Variants in F5 observed in about 807,000 individuals in gnomAD.
The protein encoded by F5 is activated protein c cofactor.
Under a neutral mutation model 216.4 loss-of-function variants are expected in F5, and 138 were observed. That is an observed-to-expected ratio of 0.64 (90% CI 0.56 to 0.73). The LOEUF (loss-of-function observed/expected upper bound fraction) is 0.73, where lower values mean the gene tolerates loss of function less well. Among genes scored for constraint, F5 ranks in the 30% least tolerant of loss-of-function variants. The pLI, the probability that F5 is intolerant of heterozygous loss-of-function variation, is 0.00. For synonymous variants in F5, 916 were observed against 930.7 expected (o/e 0.98, Z 0.29); for missense variants, 2,403 against 2,674.0 (o/e 0.90, Z 2.24).
At chr1:169,567,197 A>G (rs1011460386) in intron 3 of F5, among the ~76,000 whole-genome samples, 1 of 151,810 alleles carries the variant, frequency 6.6e-6, no homozygotes, top group Non-Finnish European at 1.5e-5. Flanking sequence ...AAGGGCACTA[A>G]TCTCATCATG....
At position 169,542,037 on chromosome 1, in the gene F5, C is replaced by T; in HGVS notation, c.3053G>A (p.Ser1018Asn). 6.2e-7 allele frequency: 1 copy of T among 1,614,080 alleles called. No homozygotes were observed. Among genetic ancestry groups the T allele is most frequent in the Non-Finnish European group, 8.5e-7 (1 of 1,180,006 alleles). The stretch of plus-strand genomic sequence containing the variant: ...GAGAAACTGGCTTTTCTTCAGTCTA[C>T]TCTTTCCTCCATCCTGTCTTACTTG... ...SLQVRQDGGKSRLKKSQFLIK... is the reference protein window; with the variant it reads ...SLQVRQDGGKNRLKKSQFLIK... Residue 1018 changes from serine to asparagine, a missense_variant, in exon 13 of 25, where the codon AGT (serine) becomes AAT (asparagine). Ser to Asn is a conservative substitution (Grantham distance 46). Coordinates refer to ENST00000367797, the MANE Select transcript of F5 (RefSeq NM_000130.5).
chr1:169,586,192 T>A, intron 1 of F5, 37 bp downstream of exon 1: 2 of 1,612,512 alleles, frequency 1.2e-6, no homozygotes. Flanking sequence ...GATTTTCCTC[T>A]CTAGAGAAGC....
chr1:169,543,133 CAGA>C lies in F5; in HGVS notation c.1976-22_1976-20del. 2 of 1,608,090 alleles carry C rather than the reference CAGA, an allele frequency of 1.2e-6. No individual in the cohort carries two copies. The highest frequency in any genetic ancestry group is 1.7e-6 in the Non-Finnish European group (2 of 1,176,176). Reference sequence around the variant, plus strand: ...CAAGTTCCTACAGAAGAGAGACAGACAGAAGAGAGATCTGGAAGTCTGGGAAAA... The same window carrying C: ...CAAGTTCCTACAGAAGAGAGACAGACAGAGAGATCTGGAAGTCTGGGAAAA... On this transcript the variant is annotated intron_variant, in intron 12 of 24. Transcript: ENST00000367797.
At position 169,515,631 on chromosome 1, in the gene F5, G is replaced by A. The variant is rs1220384061; in HGVS notation, c.6346-5C>T. The A allele has an allele frequency of 4.2e-5, 68 of 1,611,764 alleles. No homozygotes were observed. Among genetic ancestry groups the A allele is most frequent in the Non-Finnish European group, 5.4e-5 (64 of 1,179,306 alleles). ...CCACTGCTTATTGTTGTTTGCCTAT[G>A]AAAATGACAAAAACACATAGATAAG... On this transcript the variant is annotated splice_region_variant and splice_polypyrimidine_tract_variant and intron_variant, in intron 23 of 24. Coordinates refer to ENST00000367797, the MANE Select transcript of F5 (RefSeq NM_000130.5).
chr1:169,515,876 G>A, intron 23 of F5: 1 of 489,204 alleles, frequency 2.0e-6, no homozygotes, highest in African/African-American at 1.9e-5. Context: ...CTGCTTAAGG[G>A]TAGAGGCTTA....
intron 10 of F5, among the ~76,000 whole-genome samples, chr1:169,548,748 AAT>A (rs1445267812): frequency 6.6e-6 from 1 of 152,004 alleles, no homozygotes; most frequent in Admixed American, 6.6e-5. Flanking sequence ...GGGCGCCTGT[AAT>A]CCCAGCTACT....
Position 169,541,229 on chromosome 1 carries a change from T to C in F5, c.3861A>G (p.Leu1287=). Residue 1287 remains leucine, a synonymous_variant, in exon 13 of 25, where the codon CTA becomes CTG. Coordinates refer to ENST00000367797, the MANE Select transcript of F5 (RefSeq NM_000130.5). Reference sequence around the variant, plus strand: ...GAGAGAGGTTTGTCTGGCTGAAGTCTAGAGAAAGGGTTGTATGGCTGAGGT... The same window carrying C: ...GAGAGAGGTTTGTCTGGCTGAAGTCCAGAGAAAGGGTTGTATGGCTGAGGT... ...SPDLSHTTLS[L]DFSQTNLSPE... 6.3e-7 allele frequency: 1 copy of C among 1,591,216 alleles called. No individual in the cohort carries two copies. The highest frequency in any genetic ancestry group is 8.6e-7 in the Non-Finnish European group (1 of 1,166,182).
At chr1:169,515,861 C>T in intron 23 of F5, 1 of 523,022 alleles carries the variant, frequency 1.9e-6, no homozygotes, top group East Asian at 3.5e-5. Context: ...TCTTAGCATT[C>T]CTTACTGCTT....
At position 169,546,405 on chromosome 1, in the gene F5, T is replaced by C. The variant is rs940214871; in HGVS notation, c.1762+37A>G. ...CACAGTCATATTTCAACCACAGGAATGAAAAACTGATGAACAAAAATAGTA... is the reference window on the plus strand; with the variant it reads ...CACAGTCATATTTCAACCACAGGAACGAAAAACTGATGAACAAAAATAGTA... On this transcript the variant is annotated intron_variant, in intron 11 of 24. Transcript: ENST00000367797. The C allele has an allele frequency of 6.2e-6, 10 of 1,613,168 alleles. No individual in the cohort carries two copies. In the African/African-American group the frequency reaches 9.3e-5, roughly 15 times the overall value.
intron 6 of F5, among the ~76,000 whole-genome samples, chr1:169,555,666 C>T (rs1326724382): frequency 9.1e-6 from 1 of 110,350 alleles, no homozygotes; most frequent in African/African-American, 4.5e-5. Context: ...GTTAAATTCT[C>T]ATTTTTCTGT....
chr1:169,545,859 C>G (rs1206860941), intron 11 of F5, among the ~76,000 whole-genome samples: 1 of 152,210 alleles, frequency 6.6e-6, no homozygotes, highest in Non-Finnish European at 1.5e-5. Context: ...TTCTCTCAGA[C>G]TGCCATGGCA....
chr1:169,546,373 C>T (rs1660002321), intron 11 of F5, 69 bp downstream of exon 11: 1 of 1,590,030 alleles, frequency 6.3e-7, no homozygotes, highest in East Asian at 2.2e-5. Context: ...ATGTCTCTGA[C>T]TCTAGGCACA....
intron 11 of F5, among the ~76,000 whole-genome samples, chr1:169,545,795 T>C (rs936646356): frequency 1.2e-4 from 18 of 152,192 alleles, no homozygotes; most frequent in African/African-American, 3.6e-4. Context: ...TGAGGATCAG[T>C]AGGGGGACCC....
intron 10 of F5, among the ~76,000 whole-genome samples, chr1:169,547,798 T>C (rs1660049640): frequency 6.6e-6 from 1 of 152,152 alleles, no homozygotes; most frequent in African/African-American, 2.4e-5. Flanking sequence ...CTCAAAGACC[T>C]AAAGTCAGAA....
At chr1:169,528,202 T>C in intron 16 of F5, 108 bp from the exon 17 acceptor site, 1 of 1,398,360 alleles carries the variant, frequency 7.2e-7, no homozygotes, top group Non-Finnish European at 9.9e-7. Context: ...CTCATGATTC[T>C]GCATTCCCAG....
intron 21 of F5, among the ~76,000 whole-genome samples, chr1:169,522,103 G>T (rs1659324270): frequency 6.6e-6 from 1 of 152,058 alleles, no homozygotes; most frequent in Non-Finnish European, 1.5e-5. Flanking sequence ...CCAGTTAATT[G>T]AAATATACAA....
intron 13 of F5, among the ~76,000 whole-genome samples, chr1:169,539,545 TG>T (rs1659785300): frequency 6.6e-6 from 1 of 152,224 alleles, no homozygotes; most frequent in Non-Finnish European, 1.5e-5. Flanking sequence ...AGTTCTAATG[TG>T]GAGATGTCAG....
intron 14 of F5, among the ~76,000 whole-genome samples, chr1:169,534,451 C>T (rs762264201): frequency 1.3e-5 from 2 of 151,928 alleles, no homozygotes; most frequent in Admixed American, 6.6e-5. Flanking sequence ...GCAGATTGCC[C>T]GAGGTCAGGA....
At position 169,557,017 on chromosome 1, in the gene F5, G is replaced by A. The variant is rs1167485442; in HGVS notation, c.731-150C>T. Reference sequence around the variant, plus strand: ...AACAGACACTCCAGTTGTAGTTTGTGCCCTGCAAAAGCAGACATCTGAGTG... The same window carrying A: ...AACAGACACTCCAGTTGTAGTTTGTACCCTGCAAAAGCAGACATCTGAGTG... On this transcript the variant is annotated intron_variant, in intron 5 of 24. Coordinates refer to ENST00000367797, the MANE Select transcript of F5 (RefSeq NM_000130.5). 5 of 707,388 alleles carry A rather than the reference G, an allele frequency of 7.1e-6. No individual in the cohort carries two copies. In the African/African-American group the frequency reaches 7.2e-5, roughly 10 times the overall value. The allele number at this position is 707,388 out of a possible 1,614,324, so 43.8% of individuals were successfully genotyped here. A position where few individuals can be genotyped will look rare whatever the true frequency, so the allele number is the denominator to read the frequency against.
Sources: gnomAD v4.1 joint callset for allele counts (sites outside exome capture counted in the v4.1 genomes callset) on GRCh38, gnomAD v4.1.1 for gene constraint, MANE v1.5 for transcripts, NCBI Gene and HGNC (gene_info 2026-07-23, HGNC 2026-07-21) for gene names.